The following BTBD16 variants were observed in gnomAD, a reference collection of about 807,000 sequenced individuals.
BTBD16 encodes BTB/POZ domain-containing protein 16.
Under a neutral mutation model 67.4 loss-of-function variants are expected in BTBD16, and 66 were observed. The ratio of observed to expected loss-of-function variants is 0.98; its 90% CI spans 0.80 to 1.20. The LOEUF (loss-of-function observed/expected upper bound fraction) is 1.20. BTBD16 is among the 50% of genes most tolerant of loss of function. The pLI is 0.00. For missense variants in BTBD16, 634 were observed against 616.0 expected (o/e 1.03, Z -0.31); for synonymous variants, 242 against 236.4 (o/e 1.02, Z -0.22).
At chr10:122,291,232 TG>T (rs2096373581) in intron 7 of BTBD16, 38 bp downstream of exon 7, 3 of 1,589,208 alleles carry the variant, frequency 1.9e-6, no homozygotes, top group Non-Finnish European at 2.6e-6. Flanking sequence ...GGGCCGGGCC[TG>T]GGGGAAATCG....
chr10:122,301,806 G>A (rs1284020610), intron 9 of BTBD16, among the ~76,000 whole-genome samples: 1 of 152,114 alleles, frequency 6.6e-6, no homozygotes, highest in South Asian at 2.1e-4. Context: ...ACCACCCCAC[G>A]TGGTGGTCAC....
chr10:122,323,804 G>A lies in BTBD16; in HGVS notation c.912-5676G>A, dbSNP rs751934634. 4.3e-4 allele frequency among the ~76,000 whole-genome samples: 65 copies of A among 152,284 alleles called. 1 individual carries two copies. Among genetic ancestry groups the A allele is most frequent in the East Asian group, 1.9e-4 (1 of 5,180 alleles). ...GAATAAGCTAAGGCCCAGGGATAATGAGGAGGTTACTTAGGCTCCTTTTGC... is the reference window on the plus strand; with the variant it reads ...GAATAAGCTAAGGCCCAGGGATAATAAGGAGGTTACTTAGGCTCCTTTTGC... On this transcript the variant is annotated intron_variant, in intron 10 of 15. Transcript: ENST00000260723.
At chr10:122,336,022 G>T (rs2096462741) in intron 14 of BTBD16, among the ~76,000 whole-genome samples, 1 of 152,172 alleles carries the variant, frequency 6.6e-6, no homozygotes, top group South Asian at 2.1e-4. Context: ...ATGCATGAAT[G>T]AAGAAACCAG....
rs144552376 is a variant in BTBD16 at position 122,287,373 on chromosome 10, G to A, written c.385+1125G>A. The A allele has an allele frequency of 1.3e-4, 119 of 949,978 alleles. No homozygotes were observed. The Admixed American group carries it at 1.7e-3, about 14-fold the overall frequency. 58.8% of individuals were successfully genotyped at this position (949,978 alleles called of 1,614,324 possible). On this transcript the variant is annotated intron_variant, in intron 5 of 15. Transcript: ENST00000260723. Reference sequence around the variant, plus strand: ...TGGAAGTGGAAATGGAGTCATTAACGTTACGGTCTTTAACATGTCTAGAAT... The same window carrying A: ...TGGAAGTGGAAATGGAGTCATTAACATTACGGTCTTTAACATGTCTAGAAT...
chr10:122,282,035 G>C (rs2096354208), intron 3 of BTBD16, among the ~76,000 whole-genome samples: 1 of 152,138 alleles, frequency 6.6e-6, no homozygotes, highest in Non-Finnish European at 1.5e-5. Flanking sequence ...ACAGCCCTTG[G>C]GAACAGCAGA....
intron 10 of BTBD16, among the ~76,000 whole-genome samples, chr10:122,308,436 C>G (rs751639905): frequency 2.6e-5 from 4 of 152,186 alleles, no homozygotes; most frequent in Non-Finnish European, 4.4e-5. Context: ...TTTCCCCAAG[C>G]CCCCTGATCC....
intron 7 of BTBD16, among the ~76,000 whole-genome samples, chr10:122,294,901 C>T (rs2096380333): frequency 6.6e-6 from 1 of 152,252 alleles, no homozygotes. Context: ...AGCTAGTGCT[C>T]CCTGTAGGTT....
chr10:122,284,930 C>T (rs1404107215), intron 4 of BTBD16, among the ~76,000 whole-genome samples: 2 of 152,086 alleles, frequency 1.3e-5, no homozygotes, highest in Admixed American at 6.6e-5. Context: ...TCCACAATTC[C>T]GCTCCTGCCT....
intron 10 of BTBD16, among the ~76,000 whole-genome samples, chr10:122,308,126 T>C (rs980094997): frequency 5.9e-5 from 9 of 152,176 alleles, no homozygotes; most frequent in Non-Finnish European, 1.2e-4. Context: ...GCTGTTTGGC[T>C]CCAGGTCAGC....
Position 122,290,280 on chromosome 10 carries a change from C to T in BTBD16, c.475+282C>T, listed in dbSNP as rs113429220. Among the ~76,000 whole-genome samples the T allele has an allele frequency of 6.5e-3, 985 of 152,236 alleles. 14 individuals carry two copies. The highest frequency in any genetic ancestry group is 0.022 in the African/African-American group (895 of 41,528). On this transcript the variant is annotated intron_variant, in intron 6 of 15. Transcript: ENST00000260723. Reference sequence around the variant, plus strand: ...GGAGAAGACAGCGGCTTCTCAGAGACGGACCAAGCACAAAAGGAATTGCTG... The same window carrying T: ...GGAGAAGACAGCGGCTTCTCAGAGATGGACCAAGCACAAAAGGAATTGCTG...
intron 9 of BTBD16, among the ~76,000 whole-genome samples, chr10:122,300,018 C>T (rs1331341662): frequency 6.6e-6 from 1 of 152,160 alleles, no homozygotes; most frequent in Non-Finnish European, 1.5e-5. Flanking sequence ...AATGCCTGTC[C>T]CCTGCCAGGC....
At chr10:122,291,935 G>T (rs2096374888) in intron 7 of BTBD16, among the ~76,000 whole-genome samples, 1 of 152,146 alleles carries the variant, frequency 6.6e-6, no homozygotes, top group African/African-American at 2.4e-5. Context: ...GGTTGGCATT[G>T]AATGTGAAAG....
chr10:122,279,205 T>C (rs1056521708), intron 3 of BTBD16, among the ~76,000 whole-genome samples: 14 of 151,994 alleles, frequency 9.2e-5, no homozygotes, highest in Non-Finnish European at 2.9e-5. Flanking sequence ...TGTCTGGGCA[T>C]GGTGGCTCAT....
chr10:122,303,436 T>G (rs2096397743), intron 9 of BTBD16, among the ~76,000 whole-genome samples: 1 of 152,254 alleles, frequency 6.6e-6, no homozygotes, highest in Non-Finnish European at 1.5e-5. Context: ...TAATGAGCAT[T>G]TAAAATTTTA....
At position 122,296,531 on chromosome 10, in the gene BTBD16, G is replaced by C. The variant is rs150278418; in HGVS notation, c.591-1237G>C. ...GGTTGTGCTTCCGTATGAGATCCCA[G>C]TGGCTACTCTCGGGTGCCCTGCTCA... On this transcript the variant is annotated intron_variant, in intron 7 of 15. Coordinates refer to ENST00000260723, the MANE Select transcript of BTBD16 (RefSeq NM_144587.5). Among the ~76,000 whole-genome samples, 1,105 of 152,308 alleles carry C rather than the reference G, an allele frequency of 7.3e-3. 12 individuals are homozygous for C. Among genetic ancestry groups the C allele is most frequent in the African/African-American group, 0.025 (1,039 of 41,560 alleles).
chr10:122,301,500 T>C (rs2096393930), intron 9 of BTBD16, among the ~76,000 whole-genome samples: 1 of 151,974 alleles, frequency 6.6e-6, no homozygotes. Context: ...GCTTCAGGCA[T>C]GTCATCAGCC....
At chr10:122,326,237 C>T (rs1223612983) in intron 10 of BTBD16, among the ~76,000 whole-genome samples, 18 of 152,144 alleles carry the variant, frequency 1.2e-4, no homozygotes, top group Admixed American at 1.0e-3. Flanking sequence ...ACCATTCTTA[C>T]GTGTTCAGTT....
chr10:122,273,914 A>T (rs1179833547), intron 1 of BTBD16, among the ~76,000 whole-genome samples: 2 of 152,228 alleles, frequency 1.3e-5, no homozygotes, highest in African/African-American at 4.8e-5. Context: ...AGTGGAATGG[A>T]AATTCTATGA....
intron 3 of BTBD16, among the ~76,000 whole-genome samples, chr10:122,281,697 T>G (rs148768416): frequency 0.015 from 2,225 of 152,354 alleles, 61 homozygotes; most frequent in African/African-American, 0.05. Context: ...CACTCCTCCC[T>G]TCCTCTGGGA....
Sources: allele counts gnomAD v4.1 joint callset (sites outside exome capture counted in the v4.1 genomes callset), GRCh38; gene constraint gnomAD v4.1.1; transcripts MANE v1.5; gene names NCBI Gene and HGNC (gene_info 2026-07-23, HGNC 2026-07-21).